TSGA10: variants seen among roughly 807,000 people sequenced by gnomAD.
The protein encoded by TSGA10 is testis specific 10.
In TSGA10, 43 loss-of-function variants were observed where a neutral mutation model predicts 96.6. The observed-to-expected ratio is 0.44, with a 90% CI of 0.35 to 0.57. The LOEUF (loss-of-function observed/expected upper bound fraction) is 0.57. Among genes scored for constraint, TSGA10 ranks in the 20% least tolerant of loss-of-function variants. TSGA10 has a pLI of 0.01. For missense variants in TSGA10, 703 were observed against 834.4 expected, an observed-to-expected ratio of 0.84 and a Z score of 1.94; for synonymous variants, 229 against 269.9, an observed-to-expected ratio of 0.85 and a Z score of 1.48.
In TSGA10 at chr2:99,142,600, C is replaced by CA. The variant is rs552711704; in HGVS notation, c.-621+12092dup. 9.0e-4 allele frequency among the ~76,000 whole-genome samples: 137 copies of CA among 151,420 alleles called. 3 individuals are homozygous for CA. The East Asian group carries it at 0.025, about 27-fold the overall frequency. On this transcript the variant is annotated intron_variant, in intron 1 of 20. Coordinates refer to ENST00000393483, the MANE Select transcript of TSGA10 (RefSeq NM_025244.4). ...ATACTTTGTAAGTATAATTAGATAC[C>CA]AAAAAAAATTAAGTGTCCCTGTTAT...
At chr2:99,141,126 T>A (rs546159005) in intron 1 of TSGA10, 1 of 1,280,796 alleles carries the variant, frequency 7.8e-7, no homozygotes, top group East Asian at 6.1e-5. Flanking sequence ...CCCGCCGTCC[T>A]GCCCAGAGCT....
chr2:99,105,175 T>C (rs1164193468), intron 9 of TSGA10, among the ~76,000 whole-genome samples, 184 bp downstream of exon 9: 1 of 152,098 alleles, frequency 6.6e-6, no homozygotes, highest in Non-Finnish European at 1.5e-5. Context: ...TTACTCACAT[T>C]TTTAGAAGGA....
chr2:99,070,437 A>G (rs1430598693), intron 14 of TSGA10, among the ~76,000 whole-genome samples: 1 of 152,162 alleles, frequency 6.6e-6, no homozygotes, highest in African/African-American at 2.4e-5. Context: ...TTATCCCACT[A>G]CATTAGAAAA....
chr2:99,103,929 T>C (rs201878306), intron 10 of TSGA10, 38 bp downstream of exon 10: 35 of 1,603,322 alleles, frequency 2.2e-5, no homozygotes, highest in Admixed American at 5.0e-5. Context: ...GCTATAGTTA[T>C]AGTAAACTGT....
chr2:99,141,083 C>T, intron 1 of TSGA10: 1 of 1,283,438 alleles, frequency 7.8e-7, no homozygotes, highest in Non-Finnish European at 1.0e-6. Context: ...CAGCTTCTAC[C>T]TGGAGCTCCG....
chr2:99,021,034 A>G (rs2079962611), intron 17 of TSGA10, among the ~76,000 whole-genome samples: 1 of 151,250 alleles, frequency 6.6e-6, no homozygotes, highest in African/African-American at 2.4e-5. Flanking sequence ...AGCTTCCTTT[A>G]GAAAATTATC....
At chr2:99,093,052 C>T (rs2089546444) in intron 10 of TSGA10, among the ~76,000 whole-genome samples, 1 of 152,116 alleles carries the variant, frequency 6.6e-6, no homozygotes, top group Non-Finnish European at 1.5e-5. Flanking sequence ...AGATAATTCA[C>T]CATGATCAAG....
At chr2:98,999,571 CTAAAA>C (rs948105780) in intron 20 of TSGA10, among the ~76,000 whole-genome samples, 2 of 128,962 alleles carry the variant, frequency 1.6e-5, no homozygotes, top group Non-Finnish European at 1.5e-5. Context: ...AAGGTAACAA[CTAAAA>C]TAAAATAAAC....
rs2104914387 is a variant in TSGA10, at chr2:99,015,745, T to A, written c.2072+2455A>T. ...ATATGATCATATACCTAGAAAACCCTACAGACTCATCCAAAAAGCTCCCAG... is the reference window on the plus strand; with the variant it reads ...ATATGATCATATACCTAGAAAACCCAACAGACTCATCCAAAAAGCTCCCAG... On this transcript the variant is annotated intron_variant, in intron 20 of 20. Coordinates refer to ENST00000393483, the MANE Select transcript of TSGA10 (RefSeq NM_025244.4). Among the ~76,000 whole-genome samples, 3 of 152,234 alleles carry A rather than the reference T, an allele frequency of 2.0e-5. No individual in the cohort carries two copies. The Middle Eastern group carries it at 0.01, about 521-fold the overall frequency.
At chr2:99,085,436 T>C (rs2088155765) in intron 10 of TSGA10, among the ~76,000 whole-genome samples, 1 of 150,696 alleles carries the variant, frequency 6.6e-6, no homozygotes, top group Non-Finnish European at 1.5e-5. Context: ...AAGACCCCCA[T>C]CTCTATAAAA....
intron 1 of TSGA10, among the ~76,000 whole-genome samples, chr2:99,134,385 G>C (rs1422094846): frequency 6.6e-6 from 1 of 151,918 alleles, no homozygotes; most frequent in Non-Finnish European, 1.5e-5. Flanking sequence ...ATTGATACTT[G>C]TGTATGCTTC....
intron 16 of TSGA10, among the ~76,000 whole-genome samples, chr2:99,039,295 A>T (rs2081973722): frequency 6.6e-6 from 1 of 151,528 alleles, no homozygotes; most frequent in Non-Finnish European, 1.5e-5. Context: ...AGCAGAATTA[A>T]AATGGAAACA....
intron 16 of TSGA10, among the ~76,000 whole-genome samples, chr2:99,035,646 G>A (rs749579291): frequency 2.6e-4 from 39 of 148,258 alleles, no homozygotes; most frequent in Non-Finnish European, 4.3e-4. Flanking sequence ...TAAAATTCAT[G>A]AGCAGGATGG....
At chr2:99,113,490 C>T (rs1399167462) in intron 4 of TSGA10, among the ~76,000 whole-genome samples, 4 of 152,160 alleles carry the variant, frequency 2.6e-5, no homozygotes, top group Admixed American at 1.3e-4. Flanking sequence ...TCTGAGTGAG[C>T]CATCTTAGAA....
intron 2 of TSGA10, among the ~76,000 whole-genome samples, chr2:99,122,699 G>A (rs762615422): frequency 2.1e-4 from 32 of 151,344 alleles, no homozygotes; most frequent in Non-Finnish European, 3.8e-4. Context: ...GCTGAGGTAG[G>A]AGGATTGCTT....
At chr2:99,027,691 T>TA (rs1264651931) in intron 17 of TSGA10, among the ~76,000 whole-genome samples, 3 of 151,864 alleles carry the variant, frequency 2.0e-5, no homozygotes, top group Non-Finnish European at 4.4e-5. Flanking sequence ...ATTTGTCAAC[T>TA]AAAAAAAGAA....
chr2:99,099,987 C>A (rs1027658629), intron 10 of TSGA10, among the ~76,000 whole-genome samples: 80 of 151,964 alleles, frequency 5.3e-4, no homozygotes, highest in Admixed American at 1.3e-4. Context: ...AAATGTAAGA[C>A]CTCTCTACAC....
chr2:99,011,272 A>G (rs2078982752), intron 20 of TSGA10, among the ~76,000 whole-genome samples: 1 of 152,174 alleles, frequency 6.6e-6, no homozygotes, highest in Admixed American at 6.5e-5. Flanking sequence ...AGCTGGGATT[A>G]CAGGCATGTG....
At chr2:99,059,080 T>TATA (rs1558876978) in intron 16 of TSGA10, among the ~76,000 whole-genome samples, 8 of 54,346 alleles carry the variant, frequency 1.5e-4, no homozygotes, top group Admixed American at 9.1e-4. Context: ...TTATATATTT[T>TATA]TATATATATA....
Sources: allele counts gnomAD v4.1 joint callset (sites outside exome capture counted in the v4.1 genomes callset), GRCh38; gene constraint gnomAD v4.1.1; transcripts MANE v1.5; gene names NCBI Gene and HGNC (gene_info 2026-07-23, HGNC 2026-07-21).